ARSL: variants seen among roughly 807,000 people sequenced by gnomAD.
The protein encoded by ARSL is arylsulfatase E (chondrodysplasia punctata 1).
In ARSL, 4 loss-of-function variants were observed where a neutral mutation model predicts 31.1. That is an observed-to-expected ratio of 0.13 (90% confidence interval 0.06 to 0.29). ARSL has a LOEUF of 0.29. Among genes scored for constraint, ARSL ranks in the 10% least tolerant of loss-of-function variants. The pLI, the probability that ARSL is intolerant of heterozygous loss-of-function variation, is 1.00. For synonymous variants in ARSL, 198 were observed against 209.9 expected, an observed-to-expected ratio of 0.94 and a Z score of 0.49; for missense variants, 312 against 497.8, an observed-to-expected ratio of 0.63 and a Z score of 3.55.
At chrX:2,949,212 T>G in intron 6 of ARSL, 92 bp downstream of exon 6, 89 of 1,080,591 alleles carry the variant, frequency 8.2e-5, no homozygotes, top group Non-Finnish European at 1.1e-4. Context: ...ATTACAGGAA[T>G]GAGCCACCAT....
chrX:2,958,153 G>C, intron 3 of ARSL, 121 bp downstream of exon 3: 1 of 981,040 alleles, frequency 1.0e-6, no homozygotes, highest in Non-Finnish European at 1.4e-6. Context: ...AGAAAACGCA[G>C]AAGTGCAGAA....
chrX:2,962,817 C>T (rs182704483), intron 1 of ARSL, among the ~76,000 whole-genome samples: 384 of 110,561 alleles, frequency 3.5e-3, no homozygotes, highest in Middle Eastern at 4.6e-3. Flanking sequence ...TAGTCAAAGT[C>T]CCCCCTTTGC....
chrX:2,959,923 G>C, intron 2 of ARSL: 1 of 267,724 alleles, frequency 3.7e-6, no homozygotes, highest in Non-Finnish European at 6.4e-6. Flanking sequence ...AAGAAGGGAA[G>C]GAAGGAAGAA....
chrX:2,961,063 C>T (rs1487991902), intron 1 of ARSL, among the ~76,000 whole-genome samples: 1 of 111,110 alleles, frequency 9.0e-6, no homozygotes, highest in Non-Finnish European at 1.9e-5. Context: ...AGGAAAAAGG[C>T]CTAGAGGACT....
upstream of ARSL, chrX:2,968,007 T>A (rs2089711540): frequency 2.7e-6 from 2 of 749,441 alleles, no homozygotes; most frequent in East Asian, 7.1e-5. Flanking sequence ...ATTATTATTA[T>A]TTTTTGAAAG....
intron 6 of ARSL, 85 bp from the exon 7 acceptor site, chrX:2,946,219 T>C (rs1356813793): frequency 4.3e-6 from 4 of 926,282 alleles, no homozygotes; most frequent in Non-Finnish European, 6.2e-6. Context: ...CGGATCTCAC[T>C]TGTCACATCA....
At chrX:2,951,732 T>C (rs5982938) in intron 5 of ARSL, among the ~76,000 whole-genome samples, 13 of 103,432 alleles carry the variant, frequency 1.3e-4, no homozygotes, top group Non-Finnish European at 2.6e-4. Context: ...GTCTGGGAGG[T>C]CGAGACTGCA....
rs751521450 is a variant in ARSL, at chrX:2,934,970, C to T, written c.1632G>A (p.Ala544=). The T allele has an allele frequency of 3.3e-5, 40 of 1,209,177 alleles. No homozygotes were observed. Among genetic ancestry groups the T allele is most frequent in the Non-Finnish European group, 4.1e-5 (37 of 895,098 alleles). The change falls in exon 11 of 11, where the codon GCG becomes GCA. Residue 544 remains alanine (A), a synonymous_variant. Transcript: ENST00000381134. ...TGAGTGTCCGCTGGTGTTCCCACAC[C>T]GCCTGCTGGACTCGTTCCATCACCT... is the stretch of plus-strand genomic sequence containing the variant. The part of the protein sequence containing the change: ...FYQVMERVQQ[A]VWEHQRTLSP...
intron 2 of ARSL, 58 bp downstream of exon 2, chrX:2,960,319 AG>A (rs202218812): frequency 1.5e-6 from 1 of 670,601 alleles, no homozygotes; most frequent in African/African-American, 2.4e-5. Flanking sequence ...GAAGGAAGGA[AG>A]AGAAAGAAAG....
chrX:2,951,874 GT>G (rs63021261), intron 5 of ARSL, among the ~76,000 whole-genome samples: 3,336 of 84,028 alleles, frequency 0.04, 104 homozygotes, highest in African/African-American at 0.14. Context: ...CCCAGAATTT[GT>G]TTTTTTTTTT....
Position 2,946,069 on chromosome X carries a change from A to G in ARSL, c.920T>C (p.Met307Thr), listed in dbSNP as rs890308353. ...FLHVHIPLITMENFLGKSLHG... is the reference protein window; with the variant it reads ...FLHVHIPLITTENFLGKSLHG... Reference sequence around the variant, plus strand: ...GAGACTCTTCCCGAGGAAGTTCTCCATAGTGATAAGAGGGATGTGAACGTG... The same window carrying G: ...GAGACTCTTCCCGAGGAAGTTCTCCGTAGTGATAAGAGGGATGTGAACGTG... Residue 307 changes from methionine (M) to threonine (T), a missense_variant, in exon 7 of 11, where the codon ATG (methionine) becomes ACG (threonine). Transcript: ENST00000381134. The G allele has an allele frequency of 1.1e-5, 13 of 1,208,501 alleles. No individual in the cohort carries two copies. Among genetic ancestry groups the G allele is most frequent in the African/African-American group, 5.3e-5 (3 of 56,968 alleles).
intron 6 of ARSL, among the ~76,000 whole-genome samples, chrX:2,948,648 A>C (rs776962331): frequency 9.0e-6 from 1 of 111,310 alleles, no homozygotes; most frequent in South Asian, 3.8e-4. Context: ...ATGCCACCAC[A>C]GCCAGCTAAT....
At position 2,959,967 on chromosome X, in the gene ARSL, GAGAA is replaced by G. The variant is rs767585848; in HGVS notation, c.23+407_23+410del. ...AGAAAGAAAGAAAGAAAGAAAGAAA[GAGAA>G]AGAAAGAAAGAAAAGAGGCCGGGCG... is the stretch of plus-strand genomic sequence containing the variant. On this transcript the variant is annotated intron_variant, in intron 2 of 10. Transcript: ENST00000381134. The G allele has an allele frequency of 2.8e-3, 584 of 206,259 alleles. 4 individuals are homozygous for G. Among genetic ancestry groups the G allele is most frequent in the South Asian group, 0.014 (66 of 4,629 alleles). The allele number at this position is 206,259 out of a possible 1,213,427, so 17.0% of individuals were successfully genotyped here.
chrX:2,944,469 A>C (rs1007047173), intron 7 of ARSL, among the ~76,000 whole-genome samples: 6 of 61,286 alleles, frequency 9.8e-5, no homozygotes, highest in East Asian at 9.2e-4. Context: ...AAAAACAAAA[A>C]AAACAAAAAA....
rs750351162 is a variant in ARSL at position 2,937,559 on chromosome X, T to C, written c.1289+536A>G. Among the ~76,000 whole-genome samples, 8 of 111,135 alleles carry C rather than the reference T, an allele frequency of 7.2e-5. 1 individual carries two copies. The highest frequency in any genetic ancestry group is 9.8e-5 in the African/African-American group (3 of 30,622). The stretch of plus-strand genomic sequence containing the variant: ...CCCATTTAGGATTAAACAAGTTTTA[T>C]TGGGGATCTGAAGGAACTCCCCAGA... On this transcript the variant is annotated intron_variant, in intron 9 of 10. Coordinates refer to ENST00000381134, the MANE Select transcript of ARSL (RefSeq NM_000047.3).
rs535218130 is a variant in ARSL at position 2,960,956 on chromosome X, T to G, written c.-20-536A>C. ...ATGAGAGGCTGCGCGTGGTGGCTCA[T>G]GCCTGGAATCCCAGCACTTTGGGAG... On this transcript the variant is annotated intron_variant, in intron 1 of 10. Coordinates refer to ENST00000381134, the MANE Select transcript of ARSL (RefSeq NM_000047.3). Among the ~76,000 whole-genome samples, 28 of 110,873 alleles carry G rather than the reference T, an allele frequency of 2.5e-4. No individual in the cohort carries two copies. The South Asian group carries it at 0.01, about 40-fold the overall frequency.
rs2089175667 is a variant in ARSL, at chrX:2,934,943, G to T, written c.1659C>A (p.Ser553Arg). 1 of 1,210,353 alleles carries T rather than the reference G, an allele frequency of 8.3e-7. No homozygotes were observed. The highest frequency in any genetic ancestry group is 1.1e-6 in the Non-Finnish European group (1 of 894,744). ...QAVWEHQRTLSPVPLQLDRLG... is the reference protein window; with the variant it reads ...QAVWEHQRTLRPVPLQLDRLG... ...GCCTGTCCAGCTGCAGAGGAACTGGGCTGAGTGTCCGCTGGTGTTCCCACA... is the reference window on the plus strand; with the variant it reads ...GCCTGTCCAGCTGCAGAGGAACTGGTCTGAGTGTCCGCTGGTGTTCCCACA... The change falls in exon 11 of 11, where the codon AGC (serine) becomes AGA (arginine). Residue 553 changes from serine (S) to arginine (R), a missense_variant. By Grantham distance (110) the Ser-to-Arg change is moderately radical. Coordinates refer to ENST00000381134, the MANE Select transcript of ARSL (RefSeq NM_000047.3).
chrX:2,959,640 C>T, intron 2 of ARSL: 1 of 1,154,091 alleles, frequency 8.7e-7, no homozygotes, highest in Non-Finnish European at 1.1e-6. Flanking sequence ...CCTTCTGAGG[C>T]TGCCTGGGGC....
At chrX:2,953,384 GA>G in intron 4 of ARSL, 119 bp from the exon 5 acceptor site, 1 of 859,367 alleles carries the variant, frequency 1.2e-6, no homozygotes, top group Non-Finnish European at 1.6e-6. Context: ...AAATTAAATT[GA>G]AAATGGACTT....
Sources: allele counts gnomAD v4.1 joint callset (sites outside exome capture counted in the v4.1 genomes callset), GRCh38; gene constraint gnomAD v4.1.1; transcripts MANE v1.5; gene names NCBI Gene and HGNC (gene_info 2026-07-23, HGNC 2026-07-21).